The following CHRM3 variants were observed in gnomAD, a reference collection of about 807,000 sequenced individuals.
CHRM3 encodes cholinergic receptor muscarinic 3.
A neutral mutation model predicts 41.8 loss-of-function variants in CHRM3; 11 were observed. The observed-to-expected ratio is 0.26, with a 90% CI of 0.17 to 0.44. The LOEUF is 0.44. Among genes scored for constraint, CHRM3 ranks in the 20% least tolerant of loss-of-function variants. CHRM3 has a pLI of 1.00. For synonymous variants in CHRM3, 297 were observed against 301.4 expected (o/e 0.99, Z 0.15); for missense variants, 571 against 745.4 (o/e 0.77, Z 2.72).
intron 3 of CHRM3, among the ~76,000 whole-genome samples, chr1:239,605,298 T>C (rs576913589): frequency 6.6e-6 from 1 of 152,156 alleles, no homozygotes; most frequent in Admixed American, 6.5e-5. Flanking sequence ...CTTTTATATG[T>C]TTAGATGCAC....
At chr1:239,583,222 T>A (rs935589585) in intron 3 of CHRM3, among the ~76,000 whole-genome samples, 2 of 152,244 alleles carry the variant, frequency 1.3e-5, no homozygotes, top group Non-Finnish European at 2.9e-5. Context: ...AGTATGTTAA[T>A]ACTATTTGTG....
chr1:239,856,736 C>T (rs748293486), intron 6 of CHRM3, among the ~76,000 whole-genome samples: 17 of 151,718 alleles, frequency 1.1e-4, no homozygotes, highest in Non-Finnish European at 2.4e-4. Flanking sequence ...ATGTCTGACA[C>T]GTAAATGATT....
chr1:239,903,993 G>A (rs527595520), intron 6 of CHRM3, among the ~76,000 whole-genome samples: 34 of 152,284 alleles, frequency 2.2e-4, no homozygotes, highest in Admixed American at 6.5e-4. Context: ...AACCAACAAA[G>A]ATGAAAGAAG....
rs1670053708 is a variant in CHRM3, at chr1:239,633,163, G to A, written c.-250+877G>A. Among the ~76,000 whole-genome samples the A allele has an allele frequency of 4.6e-5, 7 of 152,230 alleles. No homozygotes were observed. The South Asian group carries it at 1.5e-3, about 32-fold the overall frequency. On this transcript the variant is annotated intron_variant, in intron 4 of 6. Transcript: ENST00000676153. Reference sequence around the variant, plus strand: ...ATTTTTTGTATTTTCAGTAGAGATGGGGTTTCACCGTGTTAGCCAGGATGG... The same window carrying A: ...ATTTTTTGTATTTTCAGTAGAGATGAGGTTTCACCGTGTTAGCCAGGATGG...
chr1:239,413,293 A>G (rs1449013356), intron 1 of CHRM3, among the ~76,000 whole-genome samples: 1 of 151,790 alleles, frequency 6.6e-6, no homozygotes, highest in Admixed American at 6.6e-5. Flanking sequence ...CCATTTATTT[A>G]TTTATTTATT....
chr1:239,658,602 A>G (rs1672919771), intron 4 of CHRM3, among the ~76,000 whole-genome samples: 1 of 152,224 alleles, frequency 6.6e-6, no homozygotes, highest in Non-Finnish European at 1.5e-5. Flanking sequence ...ATTGGGACCC[A>G]ATCAATAATA....
Position 239,733,933 on chromosome 1 carries a change from G to T in CHRM3, c.-147+55645G>T, listed in dbSNP as rs190322078. The stretch of plus-strand genomic sequence containing the variant: ...CATATTAAACTTGATTCTAGATGTT[G>T]TGAATCCACATTTTATTTTTACTTA... On this transcript the variant is annotated intron_variant, in intron 5 of 6. Coordinates refer to ENST00000676153, the MANE Select transcript of CHRM3 (RefSeq NM_001375978.1). Among the ~76,000 whole-genome samples, 270 of 152,096 alleles carry T rather than the reference G, an allele frequency of 1.8e-3. 3 individuals carry two copies. The highest frequency in any genetic ancestry group is 6.3e-3 in the African/African-American group (263 of 41,512).
intron 3 of CHRM3, among the ~76,000 whole-genome samples, chr1:239,571,556 G>A (rs1661830302): frequency 6.6e-6 from 1 of 152,138 alleles, no homozygotes; most frequent in Non-Finnish European, 1.5e-5. Context: ...TTTTAAGATG[G>A]TTGGATCAGG....
chr1:239,396,914 A>G (rs1195920670), intron 1 of CHRM3, among the ~76,000 whole-genome samples: 1 of 152,202 alleles, frequency 6.6e-6, no homozygotes, highest in East Asian at 1.9e-4. Flanking sequence ...CAAAAGATTG[A>G]CTGATTTAAC....
intron 1 of CHRM3, among the ~76,000 whole-genome samples, chr1:239,466,530 A>G (rs1302642793): frequency 2.6e-5 from 4 of 152,098 alleles, no homozygotes; most frequent in Non-Finnish European, 5.9e-5. Flanking sequence ...ATTAAAATTT[A>G]TATGTGCAGG....
At chr1:239,600,365 G>A (rs1272701754) in intron 3 of CHRM3, among the ~76,000 whole-genome samples, 6 of 151,782 alleles carry the variant, frequency 4.0e-5, no homozygotes, top group Non-Finnish European at 8.8e-5. Flanking sequence ...TGAAACTTCA[G>A]CCATACTCCA....
At chr1:239,736,386 C>T (rs1664397928) in intron 5 of CHRM3, among the ~76,000 whole-genome samples, 1 of 150,894 alleles carries the variant, frequency 6.6e-6, no homozygotes, top group Non-Finnish European at 1.5e-5. Context: ...CAATCAATAA[C>T]CAAATAATAA....
At chr1:239,463,268 A>T (rs562241077) in intron 1 of CHRM3, among the ~76,000 whole-genome samples, 15 of 152,198 alleles carry the variant, frequency 9.9e-5, no homozygotes, top group African/African-American at 3.4e-4. Context: ...CAAGGTCAGA[A>T]TTTTTTGCTA....
At chr1:239,779,982 C>T (rs1668391965) in intron 5 of CHRM3, among the ~76,000 whole-genome samples, 2 of 152,132 alleles carry the variant, frequency 1.3e-5, no homozygotes, top group Non-Finnish European at 2.9e-5. Flanking sequence ...GTCTTTGTAG[C>T]TTTGAATAAT....
chr1:239,871,215 A>T (rs1048663065), intron 6 of CHRM3, among the ~76,000 whole-genome samples: 1 of 152,112 alleles, frequency 6.6e-6, no homozygotes, highest in Non-Finnish European at 1.5e-5. Flanking sequence ...TCCTGTGTAT[A>T]GGGTATAGGG....
At chr1:239,721,131 A>G (rs983401102) in intron 5 of CHRM3, among the ~76,000 whole-genome samples, 2 of 151,948 alleles carry the variant, frequency 1.3e-5, no homozygotes, top group Admixed American at 6.6e-5. Flanking sequence ...TCTGCACAGT[A>G]TAATGATTCC....
At chr1:239,775,768 A>T (rs907650630) in intron 5 of CHRM3, among the ~76,000 whole-genome samples, 2 of 152,232 alleles carry the variant, frequency 1.3e-5, no homozygotes, top group Non-Finnish European at 2.9e-5. Flanking sequence ...CGAGAGGCGA[A>T]ACAGACTGTC....
At chr1:239,755,970 T>C (rs752685352) in intron 5 of CHRM3, among the ~76,000 whole-genome samples, 6 of 152,186 alleles carry the variant, frequency 3.9e-5, no homozygotes, top group Non-Finnish European at 7.3e-5. Flanking sequence ...CTAATAAAAC[T>C]ATATAGATGA....
chr1:239,748,590 C>T lies in CHRM3; in HGVS notation c.-147+70302C>T, dbSNP rs542905474. Reference sequence around the variant, plus strand: ...TTCTAGGTCAGAAAAATTTAAACTACGAAGTTATTAACCAGAATCAATTTG... The same window carrying T: ...TTCTAGGTCAGAAAAATTTAAACTATGAAGTTATTAACCAGAATCAATTTG... On this transcript the variant is annotated intron_variant, in intron 5 of 6. Coordinates refer to ENST00000676153, the MANE Select transcript of CHRM3 (RefSeq NM_001375978.1). This position sits in a 1 kb window ranked among gnomAD's most constrained non-coding sequence, Gnocchi z 4.3. Among the ~76,000 whole-genome samples, 242 of 152,254 alleles carry T rather than the reference C, an allele frequency of 1.6e-3. No individual in the cohort carries two copies. The highest frequency in any genetic ancestry group is 3.0e-3 in the Non-Finnish European group (204 of 68,030).
Sources: gnomAD v4.1 joint callset for allele counts (sites outside exome capture counted in the v4.1 genomes callset) on GRCh38, gnomAD v4.1.1 for gene constraint, Gnocchi (gnomAD v3.1) non-coding constraint, MANE v1.5 for transcripts, NCBI Gene and HGNC (gene_info 2026-07-23, HGNC 2026-07-21) for gene names.